NASP: variants seen among roughly 807,000 people sequenced by gnomAD.
NASP encodes the protein nuclear autoantigenic sperm protein, also known as NASP histone chaperone.
A neutral mutation model predicts 89.5 loss-of-function variants in NASP; 24 were observed. The observed-to-expected ratio is 0.27, with a 90% confidence interval of 0.19 to 0.38. NASP has a LOEUF of 0.38. Among genes scored for constraint, NASP ranks in the 10% least tolerant of loss-of-function variants. The pLI is 1.00. For missense variants in NASP, 848 were observed against 921.4 expected, an observed-to-expected ratio of 0.92 and a Z score of 1.03; for synonymous variants, 306 against 324.7, an observed-to-expected ratio of 0.94 and a Z score of 0.62.
chr1:45,602,276 T>G lies in NASP; in HGVS notation c.129T>G (p.Ala43=), dbSNP rs202187706. 1.2e-6 allele frequency: 2 copies of G among 1,613,666 alleles called. No individual in the cohort carries two copies. The highest frequency in any genetic ancestry group is 1.7e-5 in the Admixed American group (1 of 59,988). ...GCAGTCTGGATGTGGATAGTGAAGC[T>G]AAGAAACTATTGGGTTTAGGACAGA... ...KVESLDVDSE[A]KKLLGLGQKH... The change falls in exon 3 of 15, where the codon GCT becomes GCG. Residue 43 remains alanine (A), a synonymous_variant. Coordinates refer to ENST00000350030, the MANE Select transcript of NASP (RefSeq NM_002482.4).
chr1:45,616,431 G>A (rs752621635), intron 12 of NASP, 38 bp downstream of exon 12: 1 of 1,601,778 alleles, frequency 6.2e-7, no homozygotes. Context: ...CTTACATTAA[G>A]TCTCAGTGTT....
chr1:45,598,476 C>G (rs937874189), intron 2 of NASP, among the ~76,000 whole-genome samples: 1 of 152,162 alleles, frequency 6.6e-6, no homozygotes, highest in Admixed American at 6.6e-5. Flanking sequence ...TCCTTGTCGT[C>G]CCTACCTCTA....
In NASP at chr1:45,607,694, G is replaced by T. The variant is rs887352700; in HGVS notation, c.783G>T (p.Glu261Asp). ...AGTGCAGAGAAAAAGGAGGTCAGGA[G>T]AAGCAGGGAGAGGTAATTGTGAGCA... ...QEECREKGGQ[E>D]KQGEVIVSIE... The change falls in exon 6 of 15, where the codon GAG (glutamate) becomes GAT (aspartate). Residue 261 changes from glutamate (E) to aspartate (D), a missense_variant. Glu to Asp is a conservative substitution (Grantham distance 45). Transcript: ENST00000350030. The T allele has an allele frequency of 1.2e-6, 2 of 1,614,088 alleles. No individual in the cohort carries two copies. The highest frequency in any genetic ancestry group is 2.7e-5 in the African/African-American group (2 of 74,926).
intron 2 of NASP, among the ~76,000 whole-genome samples, chr1:45,594,414 T>G (rs550832267): frequency 2.4e-4 from 36 of 152,284 alleles, no homozygotes; most frequent in Non-Finnish European, 5.1e-4. Flanking sequence ...GGGTTGATCC[T>G]AAACACAATA....
chr1:45,615,234 T>C, intron 10 of NASP, 33 bp downstream of exon 10: 7 of 1,612,198 alleles, frequency 4.3e-6, no homozygotes, highest in East Asian at 2.2e-5. Context: ...ATGGTGATGT[T>C]GGATCCAGCA....
rs11302173 is a variant in NASP at position 45,599,953 on chromosome 1, A to ATTTTTTTTTTTTT, written c.108-2292_108-2280dup. 3.5e-4 allele frequency among the ~76,000 whole-genome samples: 28 copies of ATTTTTTTTTTTTT among 79,074 alleles called. 2 individuals carry two copies. The highest frequency in any genetic ancestry group is 1.3e-3 in the African/African-American group (26 of 19,748). 51.9% of individuals were successfully genotyped at this position (79,074 alleles called of 152,430 possible). On this transcript the variant is annotated intron_variant, in intron 2 of 14. Coordinates refer to ENST00000350030, the MANE Select transcript of NASP (RefSeq NM_002482.4). ...CTGTCCTAGAGTGCTTTTCCTCTGT[A>ATTTTTTTTTTTTT]TTTTTTTTTTTTTTTTTTTTTTGGC...
At chr1:45,617,618 C>G in intron 14 of NASP, 27 bp downstream of exon 14, 2 of 1,547,970 alleles carry the variant, frequency 1.3e-6, no homozygotes, top group Non-Finnish European at 1.7e-6. Context: ...GGCTTAGCCT[C>G]TTGCCTCATT....
chr1:45,602,124 G>A, intron 2 of NASP, 131 bp from the exon 3 acceptor site: 1 of 1,047,388 alleles, frequency 9.5e-7, no homozygotes, highest in Non-Finnish European at 1.3e-6. Context: ...TGGTAAATAA[G>A]TGTGTTAGCC....
At chr1:45,616,759 C>A (rs2991988) in intron 13 of NASP, 56 bp downstream of exon 13, 1,056,601 of 1,495,988 alleles carry the variant, frequency 0.71, 374,136 homozygotes, top group African/African-American at 0.76. Flanking sequence ...CATTTTTAAT[C>A]CCTTTCCTAT....
rs371222754 is a variant in NASP, at chr1:45,616,397, C to T, written c.2079+4C>T. Reference sequence around the variant, plus strand: ...AGGAGGCTCTTCAGTCTCCATGGTGCGTATTCAGGTGGTTTTTTGGTCACT... The same window carrying T: ...AGGAGGCTCTTCAGTCTCCATGGTGTGTATTCAGGTGGTTTTTTGGTCACT... On this transcript the variant is annotated splice_donor_region_variant and intron_variant, in intron 12 of 14. Transcript: ENST00000350030. The T allele has an allele frequency of 7.1e-5, 115 of 1,613,528 alleles. No individual in the cohort carries two copies. Among genetic ancestry groups the T allele is most frequent in the Non-Finnish European group, 9.1e-5 (107 of 1,179,644 alleles).
intron 2 of NASP, among the ~76,000 whole-genome samples, chr1:45,602,050 C>T (rs753421720): frequency 2.0e-5 from 3 of 152,146 alleles, no homozygotes; most frequent in Non-Finnish European, 2.9e-5. Flanking sequence ...CCGCACCCAA[C>T]TGAGAAAATA....
At chr1:45,610,364 G>C (rs1220106399) in intron 6 of NASP, 1 of 152,158 alleles carries the variant, frequency 6.6e-6, no homozygotes, top group African/African-American at 2.4e-5. Flanking sequence ...GGGAGAAAGG[G>C]GTTTAAGTAA....
chr1:45,590,351 G>A (rs952404222), intron 1 of NASP, among the ~76,000 whole-genome samples: 7 of 151,636 alleles, frequency 4.6e-5, no homozygotes, highest in Non-Finnish European at 8.8e-5. Flanking sequence ...AGACCATCCT[G>A]GCTAACACGG....
In NASP at chr1:45,616,937, C is replaced by T. The variant is rs375813899; in HGVS notation, c.2157+234C>T. Among the ~76,000 whole-genome samples, 7 of 152,184 alleles carry T rather than the reference C, an allele frequency of 4.6e-5. No individual in the cohort carries two copies. The East Asian group carries it at 7.7e-4, about 17-fold the overall frequency. On this transcript the variant is annotated intron_variant, in intron 13 of 14. Transcript: ENST00000350030. ...TCGGCTCACTGAAACCTCTGCCCCCCGGGTTCAAGTGATTCTCCTGCCTCA... is the reference window on the plus strand; with the variant it reads ...TCGGCTCACTGAAACCTCTGCCCCCTGGGTTCAAGTGATTCTCCTGCCTCA...
chr1:45,599,118 T>TTTTGTTTGTTTGTTTG (rs546440851), intron 2 of NASP, among the ~76,000 whole-genome samples: 7 of 151,752 alleles, frequency 4.6e-5, no homozygotes, highest in African/African-American at 1.7e-4. Context: ...GAAAGAGTGT[T>TTTTGTTTGTTTGTTTG]TTTGTTTGTT....
intron 13 of NASP, 112 bp from the exon 14 acceptor site, chr1:45,617,351 G>A (rs763982903): frequency 1.8e-5 from 23 of 1,279,412 alleles, no homozygotes; most frequent in Non-Finnish European, 2.5e-5. Flanking sequence ...CCTTAGAGCT[G>A]TGAATCCTGA....
chr1:45,594,908 TG>T, intron 2 of NASP: 1 of 272,030 alleles, frequency 3.7e-6, no homozygotes, highest in Admixed American at 4.0e-5. Context: ...TGACCTGAAG[TG>T]GGTTTTTAGT....
rs917544240 is a variant in NASP at position 45,589,125 on chromosome 1, GGTTT to G, written c.60-2089_60-2086del. Among the ~76,000 whole-genome samples the G allele has an allele frequency of 6.6e-5, 10 of 152,188 alleles. No homozygotes were observed. The South Asian group carries it at 1.2e-3, about 19-fold the overall frequency. The stretch of plus-strand genomic sequence containing the variant: ...AATCTGTCAATATCCTATGGTTTCT[GGTTT>G]GTTTGTTTATTTATTTGAAACAAGG... On this transcript the variant is annotated intron_variant, in intron 1 of 14. Transcript: ENST00000350030.
chr1:45,607,115 A>G, intron 5 of NASP: 1 of 572,980 alleles, frequency 1.7e-6, no homozygotes, highest in Non-Finnish European at 3.1e-6. Context: ...CTAGTGTAAC[A>G]AGCTTGGGTT....
Sources: allele counts gnomAD v4.1 joint callset (sites outside exome capture counted in the v4.1 genomes callset), GRCh38; gene constraint gnomAD v4.1.1; transcripts MANE v1.5; gene names NCBI Gene and HGNC (gene_info 2026-07-23, HGNC 2026-07-21).